ATP2B4: variants seen among roughly 807,000 people sequenced by gnomAD.
The protein encoded by ATP2B4 is ATPase plasma membrane Ca2+ transporting 4, also known as plasma membrane calcium-transporting ATPase 4.
ATP2B4 carries 39 observed loss-of-function variants against 110.3 expected under a neutral mutation model. The observed-to-expected ratio is 0.35, with a 90% confidence interval of 0.27 to 0.46. ATP2B4 has a LOEUF of 0.46. Ranked by LOEUF, ATP2B4 falls within the 20% of genes least tolerant of loss-of-function variation. The pLI, the probability that ATP2B4 is intolerant of heterozygous loss-of-function variation, is 1.00. For synonymous variants in ATP2B4, 538 were observed against 571.7 expected (o/e 0.94, Z 0.84); for missense variants, 1,135 against 1,530.9 (o/e 0.74, Z 4.32).
chr1:203,726,884 G>A (rs962315554), intron 19 of ATP2B4, among the ~76,000 whole-genome samples: 2 of 152,168 alleles, frequency 1.3e-5, no homozygotes, highest in Non-Finnish European at 2.9e-5. Context: ...ACAAGAGTTT[G>A]TAACACAGAA....
chr1:203,717,933 C>T (rs975969052), intron 15 of ATP2B4, among the ~76,000 whole-genome samples: 8 of 152,108 alleles, frequency 5.3e-5, no homozygotes, highest in South Asian at 2.1e-4. Context: ...GGTGAGCCAC[C>T]GCGCCCGGCC....
intron 10 of ATP2B4, among the ~76,000 whole-genome samples, chr1:203,708,445 T>A (rs1259521682): frequency 6.6e-6 from 1 of 152,162 alleles, no homozygotes; most frequent in Non-Finnish European, 1.5e-5. Flanking sequence ...CATAGTGTAT[T>A]AGAATAAGAC....
chr1:203,738,624 C>A (rs545183218), intron 20 of ATP2B4, among the ~76,000 whole-genome samples: 1 of 152,336 alleles, frequency 6.6e-6, no homozygotes, highest in South Asian at 2.1e-4. Flanking sequence ...TGGTCCCTTT[C>A]ATTCCCTTCT....
intron 1 of ATP2B4, among the ~76,000 whole-genome samples, chr1:203,644,249 T>TAA (rs3066210): frequency 3.2e-4 from 35 of 109,944 alleles, no homozygotes; most frequent in South Asian, 5.7e-4. Flanking sequence ...GACTCCATCT[T>TAA]AAAAAAAAAA....
intron 1 of ATP2B4, among the ~76,000 whole-genome samples, chr1:203,628,121 G>A (rs1052590854): frequency 6.6e-6 from 1 of 152,206 alleles, no homozygotes; most frequent in South Asian, 2.1e-4. Flanking sequence ...AGGCATCTGT[G>A]GAAGGATCCC....
At chr1:203,735,841 G>C (rs1666864703) in intron 20 of ATP2B4, among the ~76,000 whole-genome samples, 3 of 152,148 alleles carry the variant, frequency 2.0e-5, no homozygotes, top group Non-Finnish European at 4.4e-5. Context: ...CTGATAGGAA[G>C]GGTTAGTGTC....
At chr1:203,650,434 A>G (rs1411799311) in intron 1 of ATP2B4, among the ~76,000 whole-genome samples, 1 of 152,182 alleles carries the variant, frequency 6.6e-6, no homozygotes, top group Non-Finnish European at 1.5e-5. Flanking sequence ...CGAGTGAGTC[A>G]TCGGCCCCCT....
rs1663204388 is a variant in ATP2B4, at chr1:203,629,697, C to G, written c.-465+2478C>G. Among the ~76,000 whole-genome samples, 1 of 152,198 alleles carries G rather than the reference C, an allele frequency of 6.6e-6. No homozygotes were observed. The highest frequency in any genetic ancestry group is 2.4e-5 in the African/African-American group (1 of 41,462). On this transcript the variant is annotated intron_variant, in intron 1 of 20. Coordinates refer to ENST00000357681, the MANE Select transcript of ATP2B4 (RefSeq NM_001684.5). The surrounding 1 kb of genome is among the most constrained non-coding windows in gnomAD (Gnocchi z 4.6). ...GGGCTCTGCTGTAGTCTGAGAACTC[C>G]GTGGAGAATGCGAACCGAGCGGCGA...
chr1:203,701,071 A>G, intron 6 of ATP2B4, 148 bp downstream of exon 6: 1 of 1,165,500 alleles, frequency 8.6e-7, no homozygotes, highest in Non-Finnish European at 1.2e-6. Context: ...TGAGATAAAG[A>G]TGTAAATCCT....
At chr1:203,708,467 G>A (rs777977328) in intron 10 of ATP2B4, among the ~76,000 whole-genome samples, 8 of 152,112 alleles carry the variant, frequency 5.3e-5, no homozygotes, top group Non-Finnish European at 7.3e-5. Flanking sequence ...CACACAAGGC[G>A]AGACACCAGC....
chr1:203,678,958 G>T (rs1223345875), intron 1 of ATP2B4, among the ~76,000 whole-genome samples: 2 of 152,122 alleles, frequency 1.3e-5, no homozygotes, highest in African/African-American at 4.8e-5. Context: ...AGATGTTATA[G>T]GAATTTAGGA....
chr1:203,683,332 C>T lies in ATP2B4; in HGVS notation c.127C>T (p.Gln43Ter). 1.9e-6 allele frequency: 3 copies of T among 1,614,168 alleles called. No individual in the cohort carries two copies. The highest frequency in any genetic ancestry group is 2.5e-6 in the Non-Finnish European group (3 of 1,180,030). Residue 43 changes from glutamine to a stop codon, truncating the protein, a stop_gained, in exon 2 of 21, where the codon CAG (glutamine) becomes TAG (stop). Transcript: ENST00000357681. LOFTEE classifies it high-confidence loss of function. Reference sequence around the variant, plus strand: ...GCTGCGTTCAAGGGATGCACTGACCCAGATTAATGTCCACTATGGAGGTGT... The same window carrying T: ...GCTGCGTTCAAGGGATGCACTGACCTAGATTAATGTCCACTATGGAGGTGT... ...MELRSRDALT[Q>*]INVHYGGVQN... is the part of the protein sequence containing the mutation.
intron 20 of ATP2B4, among the ~76,000 whole-genome samples, chr1:203,730,080 G>C (rs543350646): frequency 6.6e-6 from 1 of 152,160 alleles, no homozygotes; most frequent in South Asian, 2.1e-4. Flanking sequence ...GACCAAGGAG[G>C]ATGCTGAGGA....
At chr1:203,738,788 A>G (rs1326664643) in intron 20 of ATP2B4, among the ~76,000 whole-genome samples, 1 of 152,150 alleles carries the variant, frequency 6.6e-6, no homozygotes, top group East Asian at 1.9e-4. Flanking sequence ...ATCTTTTGAC[A>G]CCTGTATTTT....
At chr1:203,686,685 C>CTTTTGTTTTTTTTTTT (rs1665194016) in intron 2 of ATP2B4, among the ~76,000 whole-genome samples, 24 of 42,784 alleles carry the variant, frequency 5.6e-4, no homozygotes, top group African/African-American at 2.3e-3. Flanking sequence ...TCTTTTCTTT[C>CTTTTGTTTTTTTTTTT]TTTTTTTTTT....
intron 1 of ATP2B4, chr1:203,657,389 G>A: frequency 1.3e-6 from 1 of 749,576 alleles, no homozygotes. Context: ...TAGTCAGAGG[G>A]ACTTCCCGTT....
At chr1:203,700,475 T>A in intron 5 of ATP2B4, 144 bp downstream of exon 5, 2 of 1,187,288 alleles carry the variant, frequency 1.7e-6, no homozygotes, top group Non-Finnish European at 2.3e-6. Context: ...GTGGGTGGAA[T>A]ACAAGGATAT....
chr1:203,668,999 ATTC>A (rs1483061112), intron 1 of ATP2B4, among the ~76,000 whole-genome samples: 3 of 152,172 alleles, frequency 2.0e-5, no homozygotes, highest in South Asian at 2.1e-4. Context: ...GGTGCTAGGT[ATTC>A]TTCTTATGAT....
intron 1 of ATP2B4, among the ~76,000 whole-genome samples, chr1:203,646,267 C>A (rs1398081933): frequency 1.3e-5 from 2 of 151,840 alleles, no homozygotes; most frequent in African/African-American, 4.8e-5. Flanking sequence ...ATACTTTTAT[C>A]CAAGTTCCCA....
Sources: allele counts gnomAD v4.1 joint callset (sites outside exome capture counted in the v4.1 genomes callset), GRCh38; gene constraint gnomAD v4.1.1; non-coding constraint Gnocchi (gnomAD v3.1); transcripts MANE v1.5; gene names NCBI Gene and HGNC (gene_info 2026-07-23, HGNC 2026-07-21).